The following NRAP variants were observed in gnomAD, a reference collection of about 807,000 sequenced individuals.
The protein encoded by NRAP is nebulin-related-anchoring protein.
In NRAP, 189 loss-of-function variants were observed where a neutral mutation model predicts 225.9. The observed-to-expected ratio is 0.84, with a 90% CI of 0.74 to 0.94. The LOEUF is 0.94. Ranked by LOEUF, NRAP falls within the 40% of genes least tolerant of loss-of-function variation. NRAP has a pLI of 0.00. For synonymous variants in NRAP, 769 were observed against 790.7 expected (o/e 0.97, Z 0.46); for missense variants, 2,176 against 2,168.7 (o/e 1.00, Z -0.07).
chr10:113,622,182 T>C lies in NRAP; in HGVS notation c.2458-2A>G. ...CTCATAATCCTCCTTGTACTTCACC[T>C]AAATAAGAGGAATAGAGCAGGGATA... On this transcript the variant is annotated splice_acceptor_variant, in intron 23 of 41. Coordinates refer to ENST00000359988, the MANE Select transcript of NRAP (RefSeq NM_198060.4). LOFTEE classifies it high-confidence loss of function. The C allele has an allele frequency of 6.2e-7, 1 of 1,603,986 alleles. No homozygotes were observed. The highest frequency in any genetic ancestry group is 2.2e-5 in the East Asian group (1 of 44,804).
intron 10 of NRAP, 151 bp downstream of exon 10, chr10:113,646,772 G>A: frequency 1.5e-6 from 1 of 651,180 alleles, no homozygotes; most frequent in South Asian, 1.8e-5. Context: ...GGCCAAAGCA[G>A]GCATCATAAA....
Position 113,598,037 on chromosome 10 carries a change from T to C in NRAP, c.4264A>G (p.Ile1422Val). The C allele has an allele frequency of 1.2e-6, 2 of 1,613,952 alleles. No individual in the cohort carries two copies. Among genetic ancestry groups the C allele is most frequent in the Non-Finnish European group, 1.7e-6 (2 of 1,179,968 alleles). The change falls in exon 36 of 42, where the codon ATA becomes GTA. Residue 1422 changes from isoleucine (I) to valine (V), a missense_variant. Ile to Val is a conservative substitution (Grantham distance 29, BLOSUM62 3). Transcript: ENST00000359988. ...YKSDLIGMKG[I>V]GWLALRSPQM... ...GGGGATCTCAGCGCCAGCCATCCTA[T>C]GCCCTTCATGCCGATCAGGTCTGAC...
chr10:113,615,965 A>G, intron 26 of NRAP, 149 bp from the exon 27 acceptor site: 1 of 643,976 alleles, frequency 1.6e-6, no homozygotes, highest in South Asian at 1.8e-5. Flanking sequence ...CAGATTTTAC[A>G]GCTAGCACGG....
At chr10:113,644,170 G>T (rs1284364292) in intron 11 of NRAP, among the ~76,000 whole-genome samples, 1 of 43,996 alleles carries the variant, frequency 2.3e-5, no homozygotes. Flanking sequence ...AAAAAAAAAA[G>T]GCCAAAATGT....
At chr10:113,610,411 T>A in intron 31 of NRAP, 48 bp downstream of exon 31, 1 of 830,754 alleles carries the variant, frequency 1.2e-6, no homozygotes, top group Non-Finnish European at 2.1e-6. Context: ...CTGATTATCC[T>A]CTGCTGTGGA....
Position 113,624,921 on chromosome 10 carries a change from T to C in NRAP, c.2254A>G (p.Lys752Glu). ...SQELQSGVAYKAGNEQSVHQY... is the reference protein window; with the variant it reads ...SQELQSGVAYEAGNEQSVHQY... ...TGGACAGACTGCTCATTTCCTGCCTTGTAGGCCACCTGTTGGGAAAGAGCA... is the reference window on the plus strand; with the variant it reads ...TGGACAGACTGCTCATTTCCTGCCTCGTAGGCCACCTGTTGGGAAAGAGCA... The change falls in exon 22 of 42, where the codon AAG becomes GAG. Residue 752 changes from lysine to glutamate, a missense_variant. Physicochemically the swap from Lys to Glu is moderately conservative, Grantham distance 56. Around this residue, in one of 3 missense-constraint regions of NRAP, gnomAD observed 1,708 missense variants for 1,695.5 expected, o/e 1.01. Transcript: ENST00000359988. The C allele has an allele frequency of 6.2e-7, 1 of 1,612,662 alleles. No homozygotes were observed. The highest frequency in any genetic ancestry group is 8.5e-7 in the Non-Finnish European group (1 of 1,178,748).
intron 32 of NRAP, among the ~76,000 whole-genome samples, chr10:113,607,535 C>T (rs968231802): frequency 6.6e-6 from 1 of 151,508 alleles, no homozygotes; most frequent in Non-Finnish European, 1.5e-5. Context: ...TGTTATCCCA[C>T]AGCACAAAGC....
chr10:113,609,556 A>C (rs1034345057), intron 31 of NRAP, among the ~76,000 whole-genome samples: 2 of 152,210 alleles, frequency 1.3e-5, no homozygotes, highest in East Asian at 1.9e-4. Context: ...GAATTCTAAG[A>C]CTTCTTTATT....
At position 113,631,926 on chromosome 10, in the gene NRAP, T is replaced by C; in HGVS notation, c.1671A>G (p.Lys557=). Residue 557 remains lysine (K), a synonymous_variant, in exon 17 of 42, where the codon AAA becomes AAG. Transcript: ENST00000359988. ...TGGCATCCAGCTTCATCTCAAATCC[T>C]TTCCCCTTTGTCTTCTCCCAGCCTT... ...YKEGWEKTKG[K]GFEMKLDAMS... is the part of the protein sequence containing the mutation. 1 of 1,613,652 alleles carries C rather than the reference T, an allele frequency of 6.2e-7. No individual in the cohort carries two copies. The highest frequency in any genetic ancestry group is 1.1e-5 in the South Asian group (1 of 91,072).
intron 27 of NRAP, 60 bp downstream of exon 27, chr10:113,615,652 T>C: frequency 1.1e-6 from 1 of 896,820 alleles, no homozygotes; most frequent in Non-Finnish European, 1.9e-6. Flanking sequence ...ATTGTGTGCC[T>C]GCCCATGACC....
At chr10:113,624,187 T>G (rs1214654227) in intron 22 of NRAP, among the ~76,000 whole-genome samples, 5 of 152,156 alleles carry the variant, frequency 3.3e-5, no homozygotes, top group Non-Finnish European at 5.9e-5. Flanking sequence ...CTCCTCCCAA[T>G]TCTCCTCCCC....
chr10:113,607,592 T>C, intron 32 of NRAP, among the ~76,000 whole-genome samples: 1 of 152,154 alleles, frequency 6.6e-6, no homozygotes, highest in East Asian at 1.9e-4. Context: ...AAAGTGATAC[T>C]ATCACTCTAA....
At chr10:113,613,310 C>G (rs116217513) in intron 29 of NRAP, among the ~76,000 whole-genome samples, 113 of 152,094 alleles carry the variant, frequency 7.4e-4, no homozygotes, top group African/African-American at 2.6e-3. Context: ...TGGCAGAGAA[C>G]ACGTGAAGCT....
At position 113,631,551 on chromosome 10, in the gene NRAP, A is replaced by G; in HGVS notation, c.1800T>C (p.Ser600=). ...CAATCTGCAGGGAGTGCAGAAGCCTAGAGTCGGCTGTTCCCATGGCTTTGC... is the reference window on the plus strand; with the variant it reads ...CAATCTGCAGGGAGTGCAGAAGCCTGGAGTCGGCTGTTCCCATGGCTTTGC... ...TKGKAMGTAD[S]RLLHSLQIAK... is the part of the protein sequence containing the mutation. The change falls in exon 18 of 42, where the codon TCT becomes TCC. Residue 600 remains serine (S), a synonymous_variant. Coordinates refer to ENST00000359988, the MANE Select transcript of NRAP (RefSeq NM_198060.4). 1.2e-6 allele frequency: 2 copies of G among 1,613,316 alleles called. No homozygotes were observed.
At chr10:113,663,532 C>A in intron 1 of NRAP, 86 bp from the exon 2 acceptor site, 1 of 852,954 alleles carries the variant, frequency 1.2e-6, no homozygotes, top group Non-Finnish European at 1.9e-6. Context: ...AAAAAATGAA[C>A]TTCGAGGATA....
At chr10:113,656,263 C>T (rs1850302164) in intron 4 of NRAP, among the ~76,000 whole-genome samples, 1 of 152,214 alleles carries the variant, frequency 6.6e-6, no homozygotes, top group Non-Finnish European at 1.5e-5. Flanking sequence ...GTTAATAACT[C>T]TTTAAATCAA....
rs1592810656 is a variant in NRAP, at chr10:113,631,489, G to A, written c.1842+20C>T. 4.1e-6 allele frequency: 6 copies of A among 1,480,074 alleles called. No individual in the cohort carries two copies. The highest frequency in any genetic ancestry group is 3.7e-6 in the Non-Finnish European group (4 of 1,072,954). 91.7% of individuals were successfully genotyped at this position (1,480,074 alleles called of 1,614,324 possible). On this transcript the variant is annotated intron_variant, in intron 18 of 41. Coordinates refer to ENST00000359988, the MANE Select transcript of NRAP (RefSeq NM_198060.4). ...TAACACAACTGTAAGTGAGAGGTTG[G>A]GGGTTAGAAAAGAGTTTACCTCACT...
At chr10:113,613,804 G>T (rs1323830739) in intron 29 of NRAP, among the ~76,000 whole-genome samples, 1 of 152,068 alleles carries the variant, frequency 6.6e-6, no homozygotes, top group Non-Finnish European at 1.5e-5. Flanking sequence ...TCCAGCTTCT[G>T]GCCAGAAGCT....
intron 28 of NRAP, 64 bp downstream of exon 28, chr10:113,614,775 G>A (rs1016134874): frequency 3.5e-5 from 34 of 965,390 alleles, no homozygotes; most frequent in Middle Eastern, 2.1e-4. Context: ...CAGGAGTTAC[G>A]GGCAAAAGGA....
Sources: gnomAD v4.1 joint callset for allele counts (sites outside exome capture counted in the v4.1 genomes callset) on GRCh38, gnomAD v4.1.1 for gene constraint, gnomAD v4.1.1 regional missense constraint, MANE v1.5 for transcripts, NCBI Gene and HGNC (gene_info 2026-07-23, HGNC 2026-07-21) for gene names.